APOB: variants seen among roughly 807,000 people sequenced by gnomAD.
The protein encoded by APOB is apolipoprotein B-100.
A neutral mutation model predicts 314.1 loss-of-function variants in APOB; 153 were observed. The ratio of observed to expected loss-of-function variants is 0.49; its 90% CI spans 0.43 to 0.56. APOB has a LOEUF of 0.56. Among genes scored for constraint, APOB ranks in the 20% least tolerant of loss-of-function variants. APOB has a pLI of 0.00. For missense variants in APOB, 5,430 were observed against 5,350.7 expected, an observed-to-expected ratio of 1.01 and a Z score of -0.46; for synonymous variants, 2,087 against 2,036.4, an observed-to-expected ratio of 1.02 and a Z score of -0.67.
intron 20 of APOB, among the ~76,000 whole-genome samples, chr2:21,017,603 C>T (rs1373029858): frequency 6.6e-6 from 1 of 152,138 alleles, no homozygotes; most frequent in Non-Finnish European, 1.5e-5. Flanking sequence ...ACAGCAAAGG[C>T]TCGCAGCCCT....
Position 21,027,204 on chromosome 2 carries a change from G to C in APOB, c.2068-240C>G, listed in dbSNP as rs531567153. Reference sequence around the variant, plus strand: ...CAGATAGGACAAATAATTCAACAAAGGATTCAGAGTTGGGAGTGATTTGAG... The same window carrying C: ...CAGATAGGACAAATAATTCAACAAACGATTCAGAGTTGGGAGTGATTTGAG... On this transcript the variant is annotated intron_variant, in intron 14 of 28. Coordinates refer to ENST00000233242, the MANE Select transcript of APOB (RefSeq NM_000384.3). Among the ~76,000 whole-genome samples, 3 of 152,202 alleles carry C rather than the reference G, an allele frequency of 2.0e-5. No homozygotes were observed. In the South Asian group the frequency reaches 6.2e-4, roughly 32 times the overall value.
chr2:21,035,872 C>T (rs1046927136), intron 6 of APOB, among the ~76,000 whole-genome samples, 164 bp from the exon 7 acceptor site: 2 of 152,162 alleles, frequency 1.3e-5, no homozygotes, highest in Non-Finnish European at 2.9e-5. Context: ...TGCAACAAGT[C>T]GGCATCCCCA....
At position 21,042,496 on chromosome 2, in the gene APOB, G is replaced by C; in HGVS notation, c.122-20C>G. ...CATCTTCTAACGTGGGGAGAAATAC[G>C]TCAGCCACATAGCAGAAATAGCTCT... is the stretch of plus-strand genomic sequence containing the variant. On this transcript the variant is annotated intron_variant, in intron 2 of 28. Coordinates refer to ENST00000233242, the MANE Select transcript of APOB (RefSeq NM_000384.3). The C allele has an allele frequency of 6.3e-7, 1 of 1,590,270 alleles. No individual in the cohort carries two copies. The highest frequency in any genetic ancestry group is 8.6e-7 in the Non-Finnish European group (1 of 1,158,264).
chr2:21,038,817 G>A (rs2103385665), intron 4 of APOB, among the ~76,000 whole-genome samples: 1 of 152,276 alleles, frequency 6.6e-6, no homozygotes, highest in South Asian at 2.1e-4. Context: ...TTTTGCCATT[G>A]TTTGTTTTAT....
chr2:21,007,881 T>C lies in APOB; in HGVS notation c.8987A>G (p.His2996Arg), dbSNP rs1290587574. Reference protein sequence around the residue: ...LEIQSQVDSQHVGHSVLTAKG... With the variant: ...LEIQSQVDSQRVGHSVLTAKG... ...AGCAGTTAGAACACTGTGGCCCACA[T>C]GCTGGGAATCGACTTGTGATTGAAT... Residue 2996 changes from histidine to arginine, a missense_variant, in exon 26 of 29, where the codon CAT becomes CGT. Physicochemically the swap from His to Arg is conservative, Grantham distance 29. Coordinates refer to ENST00000233242, the MANE Select transcript of APOB (RefSeq NM_000384.3). 1.2e-6 allele frequency: 2 copies of C among 1,614,092 alleles called. No homozygotes were observed. Among genetic ancestry groups the C allele is most frequent in the Admixed American group, 1.7e-5 (1 of 59,996 alleles).
rs1352183791 is a variant in APOB, at chr2:21,005,549, CT to C, written c.11318del (p.Lys3773SerfsTer2). ...LDFREIQIYK[K>X]LRTSSFALNL... ...TGAGGGCAAATGATGAAGTTCTCAG[CT>C]TCTTATAGATTTGTATTTCTCTGAA... On this transcript the variant is annotated frameshift_variant, in exon 26 of 29. Transcript: ENST00000233242. LOFTEE classifies it high-confidence loss of function. 6.2e-7 allele frequency: 1 copy of C among 1,613,876 alleles called. No individual in the cohort carries two copies. Among genetic ancestry groups the C allele is most frequent in the Non-Finnish European group, 8.5e-7 (1 of 1,179,982 alleles).
In APOB at chr2:21,001,440, A is replaced by G. The variant is rs1662974380; in HGVS notation, c.*290T>C. 2 of 388,016 alleles carry G rather than the reference A, an allele frequency of 5.2e-6. No individual in the cohort carries two copies. The highest frequency in any genetic ancestry group is 9.4e-6 in the Non-Finnish European group (2 of 212,944). 24.0% of individuals were successfully genotyped at this position (388,016 alleles called of 1,614,324 possible). A position where few individuals can be genotyped will look rare whatever the true frequency, so the allele number is the denominator to read the frequency against. On this transcript the variant is annotated 3_prime_UTR_variant, in exon 29 of 29. Transcript: ENST00000233242. ...GCCACATTCAGTGGTATGATACACA[A>G]TAAAGACTCCATTTATTTGTTCCTC... is the stretch of plus-strand genomic sequence containing the variant.
intron 9 of APOB, among the ~76,000 whole-genome samples, chr2:21,032,792 G>C (rs1663913180): frequency 6.6e-6 from 1 of 152,104 alleles, no homozygotes; most frequent in Non-Finnish European, 1.5e-5. Flanking sequence ...TTCCAAGAGG[G>C]GACTGTGGAT....
intron 5 of APOB, 81 bp from the exon 6 acceptor site, chr2:21,037,336 G>A (rs1175779827): frequency 1.6e-5 from 23 of 1,414,462 alleles, no homozygotes; most frequent in South Asian, 1.1e-4. Context: ...GGTGGGGATC[G>A]TGAAAGAAAA....
chr2:21,033,499 G>A lies in APOB; in HGVS notation c.924C>T (p.Leu308=), dbSNP rs767145218. Reference sequence around the variant, plus strand: ...ATGTGGATTTGGTGCTCTCAAATGCGAGGCCCATCTTCTTAGTACCTGGAA... The same window carrying A: ...ATGTGGATTTGGTGCTCTCAAATGCAAGGCCCATCTTCTTAGTACCTGGAA... The part of the protein sequence containing the change: ...FFGEGTKKMG[L]AFESTKSTSP... The change falls in exon 9 of 29, where the codon CTC becomes CTT. Residue 308 remains leucine, a synonymous_variant. Coordinates refer to ENST00000233242, the MANE Select transcript of APOB (RefSeq NM_000384.3). 12 of 1,613,918 alleles carry A rather than the reference G, an allele frequency of 7.4e-6. No individual in the cohort carries two copies. Among genetic ancestry groups the A allele is most frequent in the South Asian group, 2.2e-5 (2 of 91,076 alleles).
At chr2:21,043,774 C>A in intron 1 of APOB, 90 bp downstream of exon 1, 1 of 1,516,056 alleles carries the variant, frequency 6.6e-7, no homozygotes, top group East Asian at 2.4e-5. Flanking sequence ...GCTGCCCTCC[C>A]TCTGGCCTAG....
chr2:21,003,463 C>A, intron 28 of APOB, 129 bp from the exon 29 acceptor site: 1 of 835,054 alleles, frequency 1.2e-6, no homozygotes. Context: ...AGGGATTTAT[C>A]TTTCATATGT....
At chr2:21,041,354 A>C (rs935121634) in intron 3 of APOB, among the ~76,000 whole-genome samples, 1 of 152,162 alleles carries the variant, frequency 6.6e-6, no homozygotes, top group Admixed American at 6.5e-5. Flanking sequence ...ATGTCCTTTT[A>C]TTGGTTCTAA....
At chr2:21,029,871 G>T in intron 11 of APOB, 27 bp downstream of exon 11, 3 of 1,607,112 alleles carry the variant, frequency 1.9e-6, no homozygotes, top group Non-Finnish European at 2.6e-6. Flanking sequence ...CTGAAATGAT[G>T]TATGTCATAT....
chr2:21,035,491 A>G (rs1663980393), intron 7 of APOB, 93 bp downstream of exon 7: 1 of 1,531,826 alleles, frequency 6.5e-7, no homozygotes, highest in Admixed American at 1.7e-5. Context: ...CCTCCCTCCC[A>G]GGCACAGGTT....
rs769417863 is a variant in APOB, at chr2:21,010,637, C to T, written c.6231G>A (p.Leu2077=). 1.2e-5 allele frequency: 20 copies of T among 1,613,994 alleles called. No individual in the cohort carries two copies. The South Asian group carries it at 2.2e-4, about 18-fold the overall frequency. The change falls in exon 26 of 29, where the codon TTG becomes TTA. Residue 2077 remains leucine (L), a synonymous_variant. Coordinates refer to ENST00000233242, the MANE Select transcript of APOB (RefSeq NM_000384.3). The stretch of plus-strand genomic sequence containing the variant: ...GTCGATTCCTCTCAAAATATTCTTG[C>T]AAGGTCTCAAAAAATGGGAGGTTAA... ...HSINLPFFET[L]QEYFERNRQT...
chr2:21,005,617 C>T lies in APOB; in HGVS notation c.11251G>A (p.Val3751Ile), dbSNP rs1663108156. The change falls in exon 26 of 29, where the codon GTC (valine) becomes ATC (isoleucine). Residue 3751 changes from valine (V) to isoleucine (I), a missense_variant. This residue lies in a region of APOB where 3,281 missense variants were observed against 3,171.0 expected (regional missense o/e 1.03). Transcript: ENST00000233242. The part of the protein sequence containing the change: ...NSVLVMPTFH[V>I]PFTDLQVPSC... Reference sequence around the variant, plus strand: ...GGAACCTGAAGATCTGTAAATGGGACATGGAACGTAGGCATGACAAGAACT... The same window carrying T: ...GGAACCTGAAGATCTGTAAATGGGATATGGAACGTAGGCATGACAAGAACT... The T allele has an allele frequency of 1.9e-6, 3 of 1,613,942 alleles. No homozygotes were observed.
intron 24 of APOB, among the ~76,000 whole-genome samples, chr2:21,013,961 G>C (rs1663404251): frequency 6.6e-6 from 1 of 152,162 alleles, no homozygotes; most frequent in South Asian, 2.1e-4. Context: ...TTTGCACATA[G>C]GGGATACTTG....
chr2:21,009,501 G>T lies in APOB; in HGVS notation c.7367C>A (p.Ala2456Asp), dbSNP rs12713675. The change falls in exon 26 of 29, where the codon GCT (alanine) becomes GAT (aspartate). Residue 2456 changes from alanine (A) to aspartate (D), a missense_variant. Physicochemically the swap from Ala to Asp is moderately radical, Grantham distance 126. This residue lies in a region of APOB where 3,281 missense variants were observed against 3,171.0 expected (regional missense o/e 1.03). Coordinates refer to ENST00000233242, the MANE Select transcript of APOB (RefSeq NM_000384.3). Reference protein sequence around the residue: ...VTQRLNGEIQALELPQKAEAL... With the variant: ...VTQRLNGEIQDLELPQKAEAL... ...TTCAGCTTTTTGTGGTAGTTCCAGA[G>T]CCTGAATTTCACCATTGAGTCTCTG... is the stretch of plus-strand genomic sequence containing the variant. 2.8e-3 allele frequency: 4,490 copies of T among 1,614,026 alleles called. 110 individuals are homozygous for T. In the African/African-American group the frequency reaches 0.053, roughly 19 times the overall value.
Sources: allele counts gnomAD v4.1 joint callset (sites outside exome capture counted in the v4.1 genomes callset), GRCh38; gene constraint gnomAD v4.1.1; regional missense constraint gnomAD v4.1.1; transcripts MANE v1.5; gene names NCBI Gene and HGNC (gene_info 2026-07-23, HGNC 2026-07-21).